UPP2: variants seen among roughly 807,000 people sequenced by gnomAD.
UPP2 encodes uridine phosphorylase 2.
Under a neutral mutation model 26.7 loss-of-function variants are expected in UPP2, and 23 were observed. That is an observed-to-expected ratio of 0.86 (90% confidence interval 0.62 to 1.22). The LOEUF is 1.22. UPP2 is among the 50% of genes most tolerant of loss of function. The pLI, the probability that UPP2 is intolerant of heterozygous loss-of-function variation, is 0.00. For synonymous variants in UPP2, 127 were observed against 141.3 expected (o/e 0.90, Z 0.72); for missense variants, 387 against 396.7 (o/e 0.98, Z 0.21).
intron 2 of UPP2, among the ~76,000 whole-genome samples, chr2:158,015,617 C>T (rs1250564772): frequency 6.6e-6 from 1 of 152,166 alleles, no homozygotes; most frequent in Non-Finnish European, 1.5e-5. Flanking sequence ...CCCACCAAAT[C>T]TCATCTTGAA....
intron 4 of UPP2, among the ~76,000 whole-genome samples, chr2:158,118,836 A>C (rs1467605547): frequency 6.6e-6 from 1 of 152,056 alleles, no homozygotes; most frequent in Non-Finnish European, 1.5e-5. Context: ...TGTGTTCAAC[A>C]TCACAAAGCC....
intron 2 of UPP2, among the ~76,000 whole-genome samples, chr2:158,011,152 G>A (rs1372587755): frequency 1.3e-5 from 2 of 152,138 alleles, no homozygotes; most frequent in East Asian, 1.9e-4. Flanking sequence ...CATACAGAGC[G>A]CTGCAATTCC....
intron 3 of UPP2, among the ~76,000 whole-genome samples, chr2:158,086,083 ATTC>A (rs1682810127): frequency 6.6e-6 from 1 of 152,076 alleles, no homozygotes; most frequent in Admixed American, 6.5e-5. Flanking sequence ...ATTGGCACGA[ATTC>A]TTCTTTGAAT....
At chr2:158,025,450 G>A (rs141562893) in intron 3 of UPP2, among the ~76,000 whole-genome samples, 1,886 of 152,266 alleles carry the variant, frequency 0.012, 24 homozygotes, top group Middle Eastern at 0.024. Flanking sequence ...CAGCTACAGG[G>A]GAGGGAAGCC....
intron 3 of UPP2, among the ~76,000 whole-genome samples, chr2:158,026,109 T>C (rs1003209313): frequency 6.6e-6 from 1 of 151,888 alleles, no homozygotes; most frequent in African/African-American, 2.4e-5. Context: ...GGTTAGGAAA[T>C]GGTGGGAAGG....
At chr2:158,065,606 A>C (rs942153878) in intron 3 of UPP2, 16 of 568,970 alleles carry the variant, frequency 2.8e-5, no homozygotes, top group African/African-American at 2.3e-4. Flanking sequence ...AGGATTTCTT[A>C]CTACACACAA....
chr2:158,097,673 T>C (rs1683009327), upstream of UPP2, among the ~76,000 whole-genome samples: 1 of 152,156 alleles, frequency 6.6e-6, no homozygotes, highest in African/African-American at 2.4e-5. Context: ...CAGCCTCCAC[T>C]ACACCAACCC....
At chr2:158,090,330 T>C (rs1053886399) in intron 3 of UPP2, among the ~76,000 whole-genome samples, 1 of 152,056 alleles carries the variant, frequency 6.6e-6, no homozygotes, top group Non-Finnish European at 1.5e-5. Flanking sequence ...TGAAACCCTG[T>C]CTCTACTAAA....
chr2:158,022,225 C>T (rs1024711003), intron 3 of UPP2, among the ~76,000 whole-genome samples: 10 of 151,840 alleles, frequency 6.6e-5, no homozygotes, highest in South Asian at 2.1e-4. Context: ...TTTGGGAGGC[C>T]GAGGCGGGCG....
At chr2:158,045,253 T>C (rs1684136500) in intron 3 of UPP2, among the ~76,000 whole-genome samples, 1 of 152,180 alleles carries the variant, frequency 6.6e-6, no homozygotes, top group Admixed American at 6.5e-5. Flanking sequence ...GATGATACCC[T>C]TTCTATCTAA....
At chr2:158,046,026 G>T (rs1684148128) in intron 3 of UPP2, among the ~76,000 whole-genome samples, 1 of 152,144 alleles carries the variant, frequency 6.6e-6, no homozygotes, top group East Asian at 1.9e-4. Flanking sequence ...TATAGCCCCA[G>T]ACATCACATT....
chr2:158,076,373 G>C (rs1174816078), intron 3 of UPP2, among the ~76,000 whole-genome samples: 12 of 151,796 alleles, frequency 7.9e-5, no homozygotes, highest in Admixed American at 7.9e-4. Flanking sequence ...ATCTAAAAAA[G>C]AAAACTATAG....
intron 3 of UPP2, chr2:158,065,563 C>T: frequency 1.9e-6 from 1 of 538,382 alleles, no homozygotes; most frequent in Non-Finnish European, 3.6e-6. Context: ...AATGAACTGT[C>T]CAGCTCCTGT....
Position 158,101,902 on chromosome 2 carries a change from A to G in UPP2, c.-162A>G. ...TAGGAAAATTTAAAATGCTAAAGGAAAAATTTTCTTAGCAATTTCACAGGA... is the reference window on the plus strand; with the variant it reads ...TAGGAAAATTTAAAATGCTAAAGGAGAAATTTTCTTAGCAATTTCACAGGA... On this transcript the variant is annotated 5_prime_UTR_variant, in exon 1 of 7. Coordinates refer to ENST00000005756, the MANE Select transcript of UPP2 (RefSeq NM_173355.4). 1 of 1,354,694 alleles carries G rather than the reference A, an allele frequency of 7.4e-7. No individual in the cohort carries two copies. 83.9% of individuals were successfully genotyped at this position (1,354,694 alleles called of 1,614,324 possible).
At chr2:158,073,215 T>G (rs1682573155) in intron 3 of UPP2, among the ~76,000 whole-genome samples, 1 of 151,836 alleles carries the variant, frequency 6.6e-6, no homozygotes, top group South Asian at 2.1e-4. Context: ...CAGAGTTCCT[T>G]AAGAGTATAA....
chr2:158,063,776 G>A (rs1198429253), intron 3 of UPP2, among the ~76,000 whole-genome samples: 1 of 152,102 alleles, frequency 6.6e-6, no homozygotes, highest in Non-Finnish European at 1.5e-5. Context: ...GTCTTGGCGT[G>A]TGATGTTCCC....
At chr2:158,038,701 G>T (rs750332458) in intron 3 of UPP2, among the ~76,000 whole-genome samples, 5 of 152,202 alleles carry the variant, frequency 3.3e-5, no homozygotes, top group Non-Finnish European at 7.3e-5. Flanking sequence ...CATTGGGAGA[G>T]AATTTTTTTT....
At chr2:158,079,205 G>T (rs112953772) in intron 3 of UPP2, among the ~76,000 whole-genome samples, 1 of 152,158 alleles carries the variant, frequency 6.6e-6, no homozygotes, top group African/African-American at 2.4e-5. Context: ...CCAGTCTCAT[G>T]TATTTCTTCA....
chr2:158,068,802 ATTTTTTTTTTTTT>A (rs70990633), intron 3 of UPP2, among the ~76,000 whole-genome samples: 2 of 18,894 alleles, frequency 1.1e-4, no homozygotes, highest in African/African-American at 4.6e-4. Flanking sequence ...ATATATATAT[ATTTTTTTTTTTTT>A]TTTTTTTTTT....
Sources: gnomAD v4.1 joint callset for allele counts (sites outside exome capture counted in the v4.1 genomes callset) on GRCh38, gnomAD v4.1.1 for gene constraint, MANE v1.5 for transcripts, NCBI Gene and HGNC (gene_info 2026-07-23, HGNC 2026-07-21) for gene names.